Variants in CTNNA2 observed in about 807,000 individuals in gnomAD.
The protein encoded by CTNNA2 is catenin alpha 2.
A neutral mutation model predicts 101.0 loss-of-function variants in CTNNA2; 42 were observed. The observed-to-expected ratio is 0.42, with a 90% CI of 0.32 to 0.54. The LOEUF (loss-of-function observed/expected upper bound fraction) is 0.54, where lower values mean the gene tolerates loss of function less well. Among genes scored for constraint, CTNNA2 ranks in the 20% least tolerant of loss-of-function variants. The pLI is 0.14. For synonymous variants in CTNNA2, 450 were observed against 456.4 expected, an observed-to-expected ratio of 0.99 and a Z score of 0.18; for missense variants, 871 against 1,223.1, an observed-to-expected ratio of 0.71 and a Z score of 4.29.
chr2:79,675,588 T>A (rs572534527), intron 2 of CTNNA2, among the ~76,000 whole-genome samples: 42 of 152,214 alleles, frequency 2.8e-4, no homozygotes, highest in Non-Finnish European at 5.1e-4. Flanking sequence ...TATTTTCTAA[T>A]TATTTTTAAG....
chr2:79,483,288 A>G (rs1254167586), intron 4 of CTNNA2, among the ~76,000 whole-genome samples: 2 of 152,206 alleles, frequency 1.3e-5, no homozygotes, highest in African/African-American at 2.4e-5. Flanking sequence ...GCCCTCGTCT[A>G]TTGGTTAGTT....
chr2:79,474,823 G>A (rs891349563), intron 4 of CTNNA2, among the ~76,000 whole-genome samples: 2 of 152,000 alleles, frequency 1.3e-5, no homozygotes, highest in African/African-American at 4.8e-5. Context: ...TTTCCCACTG[G>A]TCTTTCAACT....
intron 7 of CTNNA2, among the ~76,000 whole-genome samples, chr2:80,279,290 A>G (rs1674179111): frequency 6.6e-6 from 1 of 151,838 alleles, no homozygotes; most frequent in African/African-American, 2.4e-5. Context: ...TAATAGAGAG[A>G]AGGGCCACTA....
intron 9 of CTNNA2, among the ~76,000 whole-genome samples, chr2:80,519,322 C>G (rs565768927): frequency 6.6e-6 from 1 of 152,086 alleles, no homozygotes; most frequent in African/African-American, 2.4e-5. Context: ...AACACAGAAA[C>G]GCATTGCCAA....
chr2:79,906,811 G>C (rs1468063917), intron 6 of CTNNA2, among the ~76,000 whole-genome samples: 1 of 152,188 alleles, frequency 6.6e-6, no homozygotes, highest in Non-Finnish European at 1.5e-5. Context: ...ACGCTACAGT[G>C]AACTGACTCC....
chr2:80,003,931 T>A (rs555028772), intron 7 of CTNNA2, among the ~76,000 whole-genome samples: 3 of 152,302 alleles, frequency 2.0e-5, no homozygotes, highest in Admixed American at 1.3e-4. Context: ...GATGAGGATG[T>A]AAGGCTTGGG....
At chr2:80,557,742 T>C (rs530345472) in intron 12 of CTNNA2, among the ~76,000 whole-genome samples, 2 of 152,220 alleles carry the variant, frequency 1.3e-5, no homozygotes, top group Non-Finnish European at 2.9e-5. Context: ...GAGTGCCACT[T>C]ACTAGGTCAA....
intron 1 of CTNNA2, among the ~76,000 whole-genome samples, chr2:79,526,337 TGAA>T (rs1672404100): frequency 6.6e-6 from 1 of 152,010 alleles, no homozygotes; most frequent in Admixed American, 6.6e-5. Flanking sequence ...GAAAAGAATT[TGAA>T]GAAGACCTAA....
chr2:80,484,779 G>A (rs1257679903), intron 9 of CTNNA2, among the ~76,000 whole-genome samples: 1 of 152,170 alleles, frequency 6.6e-6, no homozygotes, highest in Non-Finnish European at 1.5e-5. Flanking sequence ...GGCCAAGGCG[G>A]GCGGATCACT....
chr2:80,541,250 A>G (rs759889198), intron 9 of CTNNA2, among the ~76,000 whole-genome samples: 11 of 152,204 alleles, frequency 7.2e-5, no homozygotes, highest in Non-Finnish European at 1.5e-4. Context: ...TATTTTCAGA[A>G]TGTTTCCAAA....
intron 3 of CTNNA2, among the ~76,000 whole-genome samples, chr2:79,819,359 A>G (rs965334373): frequency 6.6e-6 from 1 of 152,128 alleles, no homozygotes; most frequent in Admixed American, 6.5e-5. Context: ...TATGACATAC[A>G]CACTTTCTTA....
chr2:80,173,446 G>A (rs1705196610), intron 7 of CTNNA2, among the ~76,000 whole-genome samples: 1 of 152,176 alleles, frequency 6.6e-6, no homozygotes, highest in Non-Finnish European at 1.5e-5. Context: ...CATTTGAACA[G>A]AGAAATTAGT....
intron 3 of CTNNA2, among the ~76,000 whole-genome samples, chr2:79,342,320 C>T (rs1677156288): frequency 6.6e-6 from 1 of 152,166 alleles, no homozygotes; most frequent in Non-Finnish European, 1.5e-5. Context: ...TATTGGCTGC[C>T]TAAGCTGCTG....
chr2:80,625,158 C>T (rs1210299375), intron 18 of CTNNA2, among the ~76,000 whole-genome samples: 1 of 151,874 alleles, frequency 6.6e-6, no homozygotes, highest in African/African-American at 2.4e-5. Context: ...AATTTAGAAA[C>T]CAACTCTCTT....
intron 3 of CTNNA2, among the ~76,000 whole-genome samples, chr2:79,820,330 C>T (rs1473532784): frequency 6.6e-6 from 1 of 152,024 alleles, no homozygotes; most frequent in African/African-American, 2.4e-5. Context: ...TTTCTTAGCA[C>T]CTGTGGAAGT....
intron 3 of CTNNA2, among the ~76,000 whole-genome samples, chr2:79,829,073 G>A (rs929399990): frequency 1.3e-5 from 2 of 152,152 alleles, no homozygotes; most frequent in Non-Finnish European, 2.9e-5. Context: ...AGAGGGGTCA[G>A]TGTCTACTTG....
At chr2:79,271,048 A>C (rs540562014) in intron 2 of CTNNA2, among the ~76,000 whole-genome samples, 1 of 152,254 alleles carries the variant, frequency 6.6e-6, no homozygotes, top group African/African-American at 2.4e-5. Context: ...CTTTGGAGCC[A>C]TGGCATGAGG....
At chr2:80,140,421 A>G (rs1361032174) in intron 7 of CTNNA2, among the ~76,000 whole-genome samples, 4 of 152,082 alleles carry the variant, frequency 2.6e-5, no homozygotes, top group Admixed American at 2.6e-4. Flanking sequence ...TGTGAAGCAT[A>G]AGCTTCAGGG....
At chr2:79,272,570 C>T (rs1478141554) in intron 2 of CTNNA2, among the ~76,000 whole-genome samples, 1 of 151,892 alleles carries the variant, frequency 6.6e-6, no homozygotes, top group African/African-American at 2.4e-5. Flanking sequence ...AACAAATGAC[C>T]AAGACAGACA....
Sources: allele counts gnomAD v4.1 joint callset (sites outside exome capture counted in the v4.1 genomes callset), GRCh38; gene constraint gnomAD v4.1.1; transcripts MANE v1.5; gene names NCBI Gene and HGNC (gene_info 2026-07-23, HGNC 2026-07-21).